RBKS: variants seen among roughly 807,000 people sequenced by gnomAD.
The protein encoded by RBKS is ribokinase.
RBKS carries 33 observed loss-of-function variants against 33.9 expected under a neutral mutation model. The observed-to-expected ratio is 0.97, with a 90% confidence interval of 0.74 to 1.30. The LOEUF (loss-of-function observed/expected upper bound fraction) is 1.30. Ranked by LOEUF, RBKS falls within the 50% of genes most tolerant of loss-of-function variation. RBKS has a pLI of 0.00. For missense variants in RBKS, 361 were observed against 392.6 expected, an observed-to-expected ratio of 0.92 and a Z score of 0.68; for synonymous variants, 125 against 143.0, an observed-to-expected ratio of 0.87 and a Z score of 0.90.
chr2:27,883,513 T>TTA (rs1473292304), intron 1 of RBKS, among the ~76,000 whole-genome samples: 1 of 152,056 alleles, frequency 6.6e-6, no homozygotes, highest in Non-Finnish European at 1.5e-5. Context: ...AACTGCAGTA[T>TTA]TCTTAGTGTT....
At chr2:27,861,670 G>GGGC (rs1165016824) in intron 1 of RBKS, 29 of 427,714 alleles carry the variant, frequency 6.8e-5, no homozygotes, top group East Asian at 4.3e-4. Context: ...TTTTGGGGGG[G>GGGC]GGGTGGAGTC....
intron 7 of RBKS, among the ~76,000 whole-genome samples, chr2:27,805,498 A>G (rs1275760597): frequency 2.0e-5 from 3 of 152,204 alleles, no homozygotes; most frequent in African/African-American, 7.2e-5. Flanking sequence ...GTTGGCCCTG[A>G]TGGCTCATTT....
chr2:27,783,824 C>G (rs1254653627), intron 7 of RBKS, among the ~76,000 whole-genome samples: 7 of 148,314 alleles, frequency 4.7e-5, no homozygotes, highest in Admixed American at 3.4e-4. Context: ...GGAGAATGGC[C>G]TGAACCCGGG....
chr2:27,877,328 A>T (rs1438467176), intron 1 of RBKS, among the ~76,000 whole-genome samples: 3 of 151,206 alleles, frequency 2.0e-5, no homozygotes, highest in Non-Finnish European at 2.9e-5. Context: ...TATATGGAAG[A>T]TTCTATTTTG....
chr2:27,848,157 GT>G, intron 2 of RBKS, 60 bp from the exon 3 acceptor site: 1 of 965,370 alleles, frequency 1.0e-6, no homozygotes, highest in Non-Finnish European at 1.6e-6. Flanking sequence ...CTACAATGTA[GT>G]TTTTAGAATA....
At chr2:27,861,275 G>A (rs1663977119) in intron 1 of RBKS, 1 of 296,014 alleles carries the variant, frequency 3.4e-6, no homozygotes, top group Non-Finnish European at 6.8e-6. Context: ...GCCTCCCTTT[G>A]TCTCTTTTCT....
chr2:27,836,068 G>T (rs1678513699), intron 5 of RBKS, among the ~76,000 whole-genome samples: 1 of 151,942 alleles, frequency 6.6e-6, no homozygotes, highest in African/African-American at 2.4e-5. Context: ...ACAAAAATTT[G>T]CCAGGCGTGG....
intron 7 of RBKS, among the ~76,000 whole-genome samples, chr2:27,811,250 A>G (rs1677980600): frequency 1.3e-5 from 2 of 152,084 alleles, no homozygotes; most frequent in African/African-American, 4.8e-5. Flanking sequence ...GGGACTTCTC[A>G]TTCTAGCTGT....
chr2:27,854,404 T>C (rs533071001), intron 2 of RBKS, among the ~76,000 whole-genome samples: 33 of 152,174 alleles, frequency 2.2e-4, no homozygotes, highest in Non-Finnish European at 3.7e-4. Context: ...TATTTTCCAG[T>C]TGGACCCTGC....
rs1048526828 is a variant in RBKS at position 27,837,452 on chromosome 2, T to A, written c.515-4675A>T. Among the ~76,000 whole-genome samples, 1 of 152,124 alleles carries A rather than the reference T, an allele frequency of 6.6e-6. No homozygotes were observed. On this transcript the variant is annotated intron_variant, in intron 5 of 7. Coordinates refer to ENST00000302188, the MANE Select transcript of RBKS (RefSeq NM_022128.3). This position sits in a 1 kb window ranked among gnomAD's most constrained non-coding sequence, Gnocchi z 4.0. The stretch of plus-strand genomic sequence containing the variant: ...AAAGAACTTAAAATAGACCTACCAT[T>A]TGACCCAGCAATCCTATGCCTGGTA...
At chr2:27,845,448 C>T (rs991737335) in intron 4 of RBKS, among the ~76,000 whole-genome samples, 1 of 152,160 alleles carries the variant, frequency 6.6e-6, no homozygotes, top group Non-Finnish European at 1.5e-5. Flanking sequence ...GCACTTGACA[C>T]ACACTATGAC....
In RBKS at chr2:27,890,277, G is replaced by C. The variant is rs1484252929; in HGVS notation, c.69C>G (p.Ser23=). Residue 23 remains serine (S), a synonymous_variant, in exon 1 of 8, where the codon TCC becomes TCG. Transcript: ENST00000302188. The surrounding 1 kb of genome is among the most constrained non-coding windows in gnomAD (Gnocchi z 4.8). ...EEVAAVVVVG[S]CMTDLVSLTS... ...CTAACCTGACCAGGTCGGTCATGCA[G>C]GAGCCCACCACTACCACCGCCGCCA... is the stretch of plus-strand genomic sequence containing the variant. 1 of 1,613,808 alleles carries C rather than the reference G, an allele frequency of 6.2e-7. No homozygotes were observed. Among genetic ancestry groups the C allele is most frequent in the East Asian group, 2.2e-5 (1 of 44,852 alleles).
intron 7 of RBKS, chr2:27,809,902 G>A: frequency 7.7e-7 from 1 of 1,298,788 alleles, no homozygotes; most frequent in Non-Finnish European, 1.0e-6. Context: ...GCACAATGTT[G>A]TATTTATATT....
intron 1 of RBKS, among the ~76,000 whole-genome samples, chr2:27,871,797 A>T (rs1477425398): frequency 6.6e-6 from 1 of 152,186 alleles, no homozygotes; most frequent in East Asian, 1.9e-4. Flanking sequence ...ACTCACTGAT[A>T]GGGTTTTGAT....
intron 1 of RBKS, among the ~76,000 whole-genome samples, chr2:27,868,275 T>C (rs1664137719): frequency 6.6e-6 from 1 of 152,204 alleles, no homozygotes; most frequent in Admixed American, 6.5e-5. Flanking sequence ...TGATCATATA[T>C]AATCAAGAAC....
At chr2:27,791,805 G>T (rs866070054) in intron 7 of RBKS, among the ~76,000 whole-genome samples, 3 of 152,216 alleles carry the variant, frequency 2.0e-5, no homozygotes, top group Middle Eastern at 6.8e-3. Context: ...ACAGAAAGCA[G>T]GCCAGGGGCT....
At chr2:27,821,040 CAAAAA>C (rs59964452) in intron 7 of RBKS, among the ~76,000 whole-genome samples, 21 of 68,446 alleles carry the variant, frequency 3.1e-4, no homozygotes, top group African/African-American at 8.8e-4. Context: ...AACTCCATCT[CAAAAA>C]AAAAAAAAAA....
rs1664387698 is a variant in RBKS at position 27,879,977 on chromosome 2, C to T, written c.89+10280G>A. On this transcript the variant is annotated intron_variant, in intron 1 of 7. Transcript: ENST00000302188. Reference sequence around the variant, plus strand: ...AAAACTGAGGAGGAGGGACTCCTCCCTAACTCATTCTATGAGGCCAGCATC... The same window carrying T: ...AAAACTGAGGAGGAGGGACTCCTCCTTAACTCATTCTATGAGGCCAGCATC... Among the ~76,000 whole-genome samples, 6 of 152,144 alleles carry T rather than the reference C, an allele frequency of 3.9e-5. No individual in the cohort carries two copies. In the South Asian group the frequency reaches 1.2e-3, roughly 32 times the overall value.
intron 1 of RBKS, among the ~76,000 whole-genome samples, chr2:27,889,157 G>T (rs896053930): frequency 5.9e-5 from 9 of 152,102 alleles, no homozygotes; most frequent in Admixed American, 4.6e-4. Context: ...TGGAAATTTG[G>T]TAACACAGCT....
Sources: allele counts gnomAD v4.1 joint callset (sites outside exome capture counted in the v4.1 genomes callset), GRCh38; gene constraint gnomAD v4.1.1; non-coding constraint Gnocchi (gnomAD v3.1); transcripts MANE v1.5; gene names NCBI Gene and HGNC (gene_info 2026-07-23, HGNC 2026-07-21).